BTBD9: variants seen among roughly 807,000 people sequenced by gnomAD.
The protein encoded by BTBD9 is BTB/POZ domain-containing protein 9.
BTBD9 carries 49 observed loss-of-function variants against 64.3 expected under a neutral mutation model. That is an observed-to-expected ratio of 0.76 (90% CI 0.61 to 0.97). The LOEUF is 0.97. Ranked by LOEUF, BTBD9 falls within the 50% of genes least tolerant of loss-of-function variation. BTBD9 has a pLI of 0.00. For missense variants in BTBD9, 598 were observed against 762.1 expected (o/e 0.78, Z 2.53); for synonymous variants, 260 against 274.7 (o/e 0.95, Z 0.53).
At chr6:38,232,631 TTTA>T (rs1481847072) in intron 9 of BTBD9, among the ~76,000 whole-genome samples, 3 of 151,994 alleles carry the variant, frequency 2.0e-5, no homozygotes, top group African/African-American at 4.8e-5. Context: ...TTTATTTTAT[TTTA>T]TTATTATTTT....
chr6:38,533,913 G>A (rs1002483344), intron 6 of BTBD9, among the ~76,000 whole-genome samples: 1 of 152,022 alleles, frequency 6.6e-6, no homozygotes, highest in African/African-American at 2.4e-5. Flanking sequence ...GTTTATAGCT[G>A]TAAGTGCCTA....
chr6:38,310,097 G>T (rs1416954554), intron 7 of BTBD9, among the ~76,000 whole-genome samples: 2 of 152,192 alleles, frequency 1.3e-5, no homozygotes, highest in African/African-American at 2.4e-5. Context: ...AATCTCCGCA[G>T]ATCTCATGAA....
intron 6 of BTBD9, among the ~76,000 whole-genome samples, chr6:38,525,992 G>C (rs1449106824): frequency 6.6e-6 from 1 of 152,246 alleles, no homozygotes; most frequent in Non-Finnish European, 1.5e-5. Context: ...AAAGCTGGCT[G>C]CAGAAATTTG....
At chr6:38,528,896 A>G (rs145122335) in intron 6 of BTBD9, among the ~76,000 whole-genome samples, 88 of 152,192 alleles carry the variant, frequency 5.8e-4, no homozygotes, top group African/African-American at 2.0e-3. Context: ...TCTGCTTAAG[A>G]AAAAGAGAGA....
At chr6:38,564,921 G>C (rs1775422104) in intron 6 of BTBD9, among the ~76,000 whole-genome samples, 1 of 151,800 alleles carries the variant, frequency 6.6e-6, no homozygotes, top group South Asian at 2.1e-4. Flanking sequence ...AAATAAAAAA[G>C]ATCTCACTAT....
intron 8 of BTBD9, among the ~76,000 whole-genome samples, chr6:38,259,629 G>C (rs73730919): frequency 0.076 from 11,631 of 152,218 alleles, 493 homozygotes; most frequent in African/African-American, 0.1. Flanking sequence ...GTGTTGGCCA[G>C]GCGGGGTCAA....
intron 6 of BTBD9, among the ~76,000 whole-genome samples, chr6:38,477,937 C>A (rs191875529): frequency 1.2e-4 from 18 of 152,158 alleles, no homozygotes; most frequent in African/African-American, 4.3e-4. Flanking sequence ...CAGGTGAACC[C>A]GTTTTTGAAA....
At chr6:38,402,988 G>A (rs1384540534) in intron 6 of BTBD9, 1 of 552,112 alleles carries the variant, frequency 1.8e-6, no homozygotes, top group East Asian at 3.1e-5. Context: ...TGGGAGAATT[G>A]CTTAAGCCTG....
intron 4 of BTBD9, among the ~76,000 whole-genome samples, 199 bp from the exon 5 acceptor site, chr6:38,580,636 C>G (rs922164083): frequency 1.3e-5 from 2 of 152,202 alleles, no homozygotes; most frequent in African/African-American, 4.8e-5. Flanking sequence ...TGGCTCATGC[C>G]TGTAATCCCA....
intron 1 of BTBD9, among the ~76,000 whole-genome samples, chr6:38,598,691 G>A (rs1166290706): frequency 6.6e-6 from 1 of 152,086 alleles, no homozygotes; most frequent in East Asian, 1.9e-4. Context: ...GCTGAGGTGG[G>A]TCGATCACCT....
intron 6 of BTBD9, among the ~76,000 whole-genome samples, chr6:38,359,941 CAA>C (rs71751834): frequency 0.016 from 1,888 of 119,348 alleles, 24 homozygotes; most frequent in South Asian, 0.07. Flanking sequence ...AAATGTTAGA[CAA>C]AAAAAAAAAA....
chr6:38,370,823 G>A (rs1043643681), intron 6 of BTBD9, among the ~76,000 whole-genome samples: 4 of 152,174 alleles, frequency 2.6e-5, no homozygotes, highest in Non-Finnish European at 5.9e-5. Flanking sequence ...AACATGTCAC[G>A]GAGTCATGGG....
At chr6:38,374,326 T>TATATATAC (rs1191582607) in intron 6 of BTBD9, among the ~76,000 whole-genome samples, 1 of 122,358 alleles carries the variant, frequency 8.2e-6, no homozygotes, top group Non-Finnish European at 1.7e-5. Context: ...TATATATATA[T>TATATATAC]GTATATAAAA....
chr6:38,264,311 G>C (rs1470810701), intron 8 of BTBD9, among the ~76,000 whole-genome samples: 1 of 152,190 alleles, frequency 6.6e-6, no homozygotes, highest in African/African-American at 2.4e-5. Flanking sequence ...GGCTTCTGAG[G>C]AGGTAAGTGG....
chr6:38,499,859 C>G (rs1772117750), intron 6 of BTBD9, among the ~76,000 whole-genome samples: 1 of 152,142 alleles, frequency 6.6e-6, no homozygotes, highest in South Asian at 2.1e-4. Flanking sequence ...TTCAAACAAC[C>G]AGGTATGTTA....
At chr6:38,429,728 T>C (rs1768354782) in intron 6 of BTBD9, among the ~76,000 whole-genome samples, 1 of 152,036 alleles carries the variant, frequency 6.6e-6, no homozygotes, top group South Asian at 2.1e-4. Context: ...TACGCATTTT[T>C]TCTCAAATGC....
intron 10 of BTBD9, among the ~76,000 whole-genome samples, chr6:38,191,290 A>G (rs1762061753): frequency 6.6e-6 from 1 of 152,228 alleles, no homozygotes; most frequent in Non-Finnish European, 1.5e-5. Context: ...CACGTTTAAA[A>G]ATGCTTTTTG....
chr6:38,254,409 C>A (rs917790761), intron 9 of BTBD9, among the ~76,000 whole-genome samples: 2 of 151,924 alleles, frequency 1.3e-5, no homozygotes, highest in Non-Finnish European at 2.9e-5. Flanking sequence ...GTTAAGAAAT[C>A]TTGGCCCAGC....
intron 9 of BTBD9, among the ~76,000 whole-genome samples, chr6:38,255,885 G>C (rs369735867): frequency 6.6e-6 from 1 of 152,046 alleles, no homozygotes; most frequent in African/African-American, 2.4e-5. Context: ...TTGGACATAC[G>C]GTGGGGAACA....
Sources: allele counts gnomAD v4.1 joint callset (sites outside exome capture counted in the v4.1 genomes callset), GRCh38; gene constraint gnomAD v4.1.1; transcripts MANE v1.5; gene names NCBI Gene and HGNC (gene_info 2026-07-23, HGNC 2026-07-21).